NRAS: variants seen among roughly 807,000 people sequenced by gnomAD.
NRAS encodes the protein NRAS proto-oncogene, GTPase, also known as GTPase NRas.
In NRAS, 6 loss-of-function variants were observed where a neutral mutation model predicts 21.3. The observed-to-expected ratio is 0.28, with a 90% CI of 0.15 to 0.56. The LOEUF (loss-of-function observed/expected upper bound fraction) is 0.56. Among genes scored for constraint, NRAS ranks in the 20% least tolerant of loss-of-function variants. The pLI is 0.93. For synonymous variants in NRAS, 84 were observed against 82.0 expected, an observed-to-expected ratio of 1.02 and a Z score of -0.13; for missense variants, 143 against 231.3, an observed-to-expected ratio of 0.62 and a Z score of 2.48.
intron 3 of NRAS, among the ~76,000 whole-genome samples, chr1:114,710,259 A>AATTTAT (rs1162415224): frequency 1.1e-5 from 1 of 88,494 alleles, no homozygotes; most frequent in African/African-American, 4.1e-5. Flanking sequence ...TATTATATAT[A>AATTTAT]AATATATATT....
chr1:114,715,700 T>C (rs1001325426), intron 2 of NRAS, among the ~76,000 whole-genome samples: 1 of 152,174 alleles, frequency 6.6e-6, no homozygotes, highest in African/African-American at 2.4e-5. Context: ...CATCTCTGAA[T>C]CCTTTATCTC....
At chr1:114,713,199 C>T (rs1022463671) in intron 3 of NRAS, among the ~76,000 whole-genome samples, 2 of 151,964 alleles carry the variant, frequency 1.3e-5, no homozygotes, top group Non-Finnish European at 2.9e-5. Context: ...TTTTTGGAGA[C>T]AGAATCTTGC....
intron 3 of NRAS, among the ~76,000 whole-genome samples, chr1:114,711,681 T>C (rs142952708): frequency 3.4e-3 from 494 of 147,176 alleles, no homozygotes; most frequent in African/African-American, 9.8e-3. Context: ...AGCGATAAAA[T>C]AGAAAACATA....
chr1:114,714,408 C>T (rs571696982), intron 2 of NRAS, among the ~76,000 whole-genome samples: 1 of 152,240 alleles, frequency 6.6e-6, no homozygotes, highest in Admixed American at 6.5e-5. Flanking sequence ...GCCCTATATA[C>T]ATCATTTGTG....
intron 3 of NRAS, among the ~76,000 whole-genome samples, chr1:114,711,523 C>A (rs931494017): frequency 1.3e-5 from 2 of 151,154 alleles, no homozygotes. Context: ...ATCTCTCGAA[C>A]CCGGGAGGCG....
At chr1:114,716,289 A>C (rs1659164742) in intron 1 of NRAS, 112 bp from the exon 2 acceptor site, 2 of 761,414 alleles carry the variant, frequency 2.6e-6, no homozygotes, top group Non-Finnish European at 4.7e-6. Context: ...TTTGGTTCTT[A>C]AAGTGACTAG....
intron 3 of NRAS, among the ~76,000 whole-genome samples, chr1:114,711,059 C>T (rs1232652388): frequency 6.6e-6 from 1 of 152,034 alleles, no homozygotes; most frequent in African/African-American, 2.4e-5. Context: ...AGTCTTAGCA[C>T]TCTAGGAGAT....
rs555332807 is a variant in NRAS at position 114,714,719 on chromosome 1, G to A, written c.112-741C>T. Among the ~76,000 whole-genome samples, 10 of 151,920 alleles carry A rather than the reference G, an allele frequency of 6.6e-5. No individual in the cohort carries two copies. The East Asian group carries it at 1.7e-3, about 26-fold the overall frequency. ...GGTAGCTACATGACTATATAGAAAC[G>A]CAAAAAGCACTGGGCTGTAGACATA... On this transcript the variant is annotated intron_variant, in intron 2 of 6. Transcript: ENST00000369535.
intron 3 of NRAS, 88 bp from the exon 4 acceptor site, chr1:114,709,816 G>A (rs1429517902): frequency 1.9e-6 from 2 of 1,057,040 alleles, no homozygotes; most frequent in Non-Finnish European, 2.9e-6. Context: ...AGCACTTTGG[G>A]AGGCTGAGGA....
intron 3 of NRAS, among the ~76,000 whole-genome samples, chr1:114,712,680 G>T (rs1042277569): frequency 6.6e-6 from 1 of 152,176 alleles, no homozygotes; most frequent in Non-Finnish European, 1.5e-5. Flanking sequence ...TAGAAAATAA[G>T]CCAAGACTCA....
At chr1:114,709,416 T>TA (rs1658990204) in intron 4 of NRAS, among the ~76,000 whole-genome samples, 153 bp downstream of exon 4, 1 of 151,350 alleles carries the variant, frequency 6.6e-6, no homozygotes, top group Admixed American at 6.6e-5. Flanking sequence ...GCTTAGAAGA[T>TA]AGAGTGAGAC....
Position 114,709,655 on chromosome 1 carries a change from T to C in NRAS, c.364A>G (p.Thr122Ala), listed in dbSNP as rs772731110. ...VLVGNKCDLP[T>A]RTVDTKQAHE... The stretch of plus-strand genomic sequence containing the variant: ...GCTTGTTTTGTATCAACTGTCCTTG[T>C]TGGCAAATCACACTTGTTTCCCACT... Residue 122 changes from threonine to alanine, a missense_variant, in exon 4 of 7, where the codon ACA (threonine) becomes GCA (alanine). By Grantham distance (58) the Thr-to-Ala change is moderately conservative. Coordinates refer to ENST00000369535, the MANE Select transcript of NRAS (RefSeq NM_002524.5). The C allele has an allele frequency of 6.2e-7, 1 of 1,613,672 alleles. No individual in the cohort carries two copies.
At chr1:114,712,575 CA>C (rs890024786) in intron 3 of NRAS, among the ~76,000 whole-genome samples, 32 of 145,822 alleles carry the variant, frequency 2.2e-4, no homozygotes, top group African/African-American at 4.0e-4. Context: ...TACTTTTAGA[CA>C]AAAAAAAAAT....
intron 2 of NRAS, among the ~76,000 whole-genome samples, chr1:114,714,378 C>T (rs1418400753): frequency 6.6e-6 from 1 of 152,152 alleles, no homozygotes. Context: ...TCTAAACATA[C>T]CTCCACCAAT....
chr1:114,715,086 T>C (rs1036052395), intron 2 of NRAS, among the ~76,000 whole-genome samples: 1 of 152,240 alleles, frequency 6.6e-6, no homozygotes, highest in Non-Finnish European at 1.5e-5. Context: ...TGGAGGTCTG[T>C]GGTGTGATCT....
intron 3 of NRAS, among the ~76,000 whole-genome samples, chr1:114,710,284 AATATATAAAT>A (rs1659016929): frequency 1.3e-5 from 1 of 77,050 alleles, no homozygotes; most frequent in Non-Finnish European, 2.5e-5. Flanking sequence ...TATAATTTAT[AATATATAAAT>A]ATATATAATT....
At chr1:114,708,708 C>T (rs2101737933) in intron 4 of NRAS, 54 bp from the exon 5 acceptor site, 2 of 1,572,870 alleles carry the variant, frequency 1.3e-6, no homozygotes, top group Non-Finnish European at 1.7e-6. Context: ...CGGACACAAT[C>T]CAAATTATAA....
At chr1:114,708,742 T>A in intron 4 of NRAS, 88 bp from the exon 5 acceptor site, 1 of 1,211,338 alleles carries the variant, frequency 8.3e-7, no homozygotes, top group Non-Finnish European at 1.2e-6. Context: ...TGTATCTCTT[T>A]ATGTGGACAT....
At chr1:114,710,894 G>A (rs553140955) in intron 3 of NRAS, among the ~76,000 whole-genome samples, 1 of 152,190 alleles carries the variant, frequency 6.6e-6, no homozygotes, top group Admixed American at 6.5e-5. Flanking sequence ...TTAGATTAAG[G>A]TCTAAAGTAT....
Sources: gnomAD v4.1 joint callset for allele counts (sites outside exome capture counted in the v4.1 genomes callset) on GRCh38, gnomAD v4.1.1 for gene constraint, MANE v1.5 for transcripts, NCBI Gene and HGNC (gene_info 2026-07-23, HGNC 2026-07-21) for gene names.